RUNX1: variants seen among roughly 807,000 people sequenced by gnomAD.
RUNX1 encodes runt-related transcription factor 1.
A neutral mutation model predicts 42.8 loss-of-function variants in RUNX1; 19 were observed. That is an observed-to-expected ratio of 0.44 (90% CI 0.31 to 0.65). RUNX1 has a LOEUF of 0.65. Ranked by LOEUF, RUNX1 falls within the 30% of genes least tolerant of loss-of-function variation. The pLI, the probability that RUNX1 is intolerant of heterozygous loss-of-function variation, is 0.07. For synonymous variants in RUNX1, 271 were observed against 289.4 expected (o/e 0.94, Z 0.64); for missense variants, 528 against 672.0 (o/e 0.79, Z 2.37).
chr21:34,972,574 T>C (rs2058770847), intron 2 of RUNX1, among the ~76,000 whole-genome samples: 1 of 152,194 alleles, frequency 6.6e-6, no homozygotes, highest in South Asian at 2.1e-4. Context: ...CTAAAGACAT[T>C]TGCTATTTGA....
At chr21:35,006,609 TTGTTACATAGG>T (rs1481698808) in intron 2 of RUNX1, among the ~76,000 whole-genome samples, 2 of 152,158 alleles carry the variant, frequency 1.3e-5, no homozygotes, top group East Asian at 3.8e-4. Flanking sequence ...AGTATCCTGG[TTGTTACATAGG>T]AAGTGCTGGG....
At chr21:34,896,722 T>C (rs1175747731) in intron 2 of RUNX1, among the ~76,000 whole-genome samples, 1 of 151,930 alleles carries the variant, frequency 6.6e-6, no homozygotes, top group Non-Finnish European at 1.5e-5. Flanking sequence ...ATGCCAGCTT[T>C]GGAGGAAAAC....
At chr21:35,027,019 G>T (rs1051306887) in intron 2 of RUNX1, among the ~76,000 whole-genome samples, 2 of 151,954 alleles carry the variant, frequency 1.3e-5, no homozygotes, top group African/African-American at 4.8e-5. Flanking sequence ...TGAAAGAAAA[G>T]AAGTAGAGCG....
intron 7 of RUNX1, among the ~76,000 whole-genome samples, chr21:34,828,027 A>G (rs2057013232): frequency 6.6e-6 from 1 of 152,350 alleles, no homozygotes. Flanking sequence ...ATCCCTGAGA[A>G]CCCAGAACTG....
chr21:34,880,396 A>G (rs554775100), intron 5 of RUNX1, among the ~76,000 whole-genome samples, 161 bp downstream of exon 5: 15 of 152,380 alleles, frequency 9.8e-5, no homozygotes, highest in Admixed American at 2.6e-4. Context: ...TGCTAAAAAT[A>G]TTAAACTTCA....
In RUNX1 at chr21:34,920,906, T is replaced by C. The variant is rs370174076; in HGVS notation, c.59-27943A>G. ...CTGAGTCTCACTCTATCACCCAGGC[T>C]AGAGTGCAGTGGCGTGATCTTGGCT... On this transcript the variant is annotated intron_variant, in intron 2 of 8. Transcript: ENST00000675419. Among the ~76,000 whole-genome samples the C allele has an allele frequency of 1.1e-4, 17 of 152,336 alleles. No individual in the cohort carries two copies. In the East Asian group the frequency reaches 1.7e-3, roughly 16 times the overall value.
At chr21:34,851,133 G>A (rs1261485028) in intron 6 of RUNX1, among the ~76,000 whole-genome samples, 1 of 152,196 alleles carries the variant, frequency 6.6e-6, no homozygotes, top group Non-Finnish European at 1.5e-5. Context: ...TTACATGTTG[G>A]TGGCAGAGAA....
intron 2 of RUNX1, among the ~76,000 whole-genome samples, chr21:34,908,428 G>A (rs1466616974): frequency 3.3e-5 from 5 of 151,882 alleles, no homozygotes; most frequent in Non-Finnish European, 5.9e-5. Flanking sequence ...ATGTCCTCGG[G>A]GAAAAAAAGT....
intron 3 of RUNX1, among the ~76,000 whole-genome samples, chr21:34,889,525 C>T (rs1021780983): frequency 3.3e-5 from 5 of 152,090 alleles, no homozygotes; most frequent in Admixed American, 6.5e-5. Context: ...TGAAAGCAGC[C>T]ACGCGGCTTG....
chr21:34,859,539 G>A lies in RUNX1; in HGVS notation c.548C>T (p.Pro183Leu). The change falls in exon 6 of 9, where the codon CCA becomes CTA. Residue 183 changes from proline (P) to leucine (L), a missense_variant. Pro to Leu is a moderately conservative substitution (Grantham distance 98). Transcript: ENST00000675419. ...TCTGTGGTAGGTGGCGACTTGCGGT[G>A]GGTTTGTGAAGACAGTGATGGTCAG... The part of the protein sequence containing the change: ...FTLTITVFTN[P>L]PQVATYHRAI... The A allele has an allele frequency of 6.2e-7, 1 of 1,614,174 alleles. No homozygotes were observed. Among genetic ancestry groups the A allele is most frequent in the Non-Finnish European group, 8.5e-7 (1 of 1,180,020 alleles).
At chr21:34,990,884 C>G (rs565552093) in intron 2 of RUNX1, among the ~76,000 whole-genome samples, 193 of 152,288 alleles carry the variant, frequency 1.3e-3, no homozygotes, top group Non-Finnish European at 2.4e-3. Context: ...AGCCACCGTG[C>G]CCGGCTGGGG....
At chr21:34,825,003 C>T (rs1466939132) in intron 7 of RUNX1, among the ~76,000 whole-genome samples, 1 of 152,186 alleles carries the variant, frequency 6.6e-6, no homozygotes, top group Admixed American at 6.5e-5. Context: ...TTTGATACTA[C>T]TTCATGACTA....
chr21:35,039,988 A>G (rs1300847889), intron 2 of RUNX1, among the ~76,000 whole-genome samples: 1 of 152,230 alleles, frequency 6.6e-6, no homozygotes, highest in African/African-American at 2.4e-5. Flanking sequence ...CATTCATTAC[A>G]TGAAAGGGGC....
At chr21:34,894,294 AG>A (rs1041230299) in intron 2 of RUNX1, among the ~76,000 whole-genome samples, 2 of 152,194 alleles carry the variant, frequency 1.3e-5, no homozygotes, top group African/African-American at 4.8e-5. Context: ...TTGGAGTAGG[AG>A]AGCAAGAAAA....
chr21:34,916,925 A>C (rs2058316154), intron 2 of RUNX1, among the ~76,000 whole-genome samples: 1 of 152,214 alleles, frequency 6.6e-6, no homozygotes. Context: ...AATTTTATAC[A>C]TAAAATAGCA....
chr21:35,039,512 A>G (rs2059342214), intron 2 of RUNX1, among the ~76,000 whole-genome samples: 1 of 152,216 alleles, frequency 6.6e-6, no homozygotes, highest in Admixed American at 6.5e-5. Flanking sequence ...ATATATACAT[A>G]ACTCTATATA....
At chr21:34,912,365 G>A (rs2058279269) in intron 2 of RUNX1, among the ~76,000 whole-genome samples, 1 of 151,964 alleles carries the variant, frequency 6.6e-6, no homozygotes, top group African/African-American at 2.4e-5. Context: ...TCTCTGTTTT[G>A]CGATACTCTT....
intron 5 of RUNX1, among the ~76,000 whole-genome samples, chr21:34,862,591 G>A (rs1022611857): frequency 5.3e-5 from 8 of 152,242 alleles, no homozygotes; most frequent in Admixed American, 1.3e-4. Flanking sequence ...ATTTCTTGGC[G>A]TTTCCTGACT....
At chr21:34,888,796 CT>C in intron 3 of RUNX1, 1 of 620,404 alleles carries the variant, frequency 1.6e-6, no homozygotes, top group Non-Finnish European at 2.1e-6. Flanking sequence ...AATCACAGGC[CT>C]TTCCGGTATC....
Sources: allele counts gnomAD v4.1 joint callset (sites outside exome capture counted in the v4.1 genomes callset), GRCh38; gene constraint gnomAD v4.1.1; transcripts MANE v1.5; gene names NCBI Gene and HGNC (gene_info 2026-07-23, HGNC 2026-07-21).